CBLB: variants seen among roughly 807,000 people sequenced by gnomAD.
CBLB encodes the protein Cbl proto-oncogene B, also known as E3 ubiquitin-protein ligase CBL-B.
In CBLB, 31 loss-of-function variants were observed where a neutral mutation model predicts 104.9. That is an observed-to-expected ratio of 0.30 (90% confidence interval 0.22 to 0.40). The LOEUF (loss-of-function observed/expected upper bound fraction) is 0.40, where lower values mean the gene tolerates loss of function less well. CBLB is among the 10% of genes least tolerant of loss of function. CBLB has a pLI of 1.00. For synonymous variants in CBLB, 440 were observed against 422.6 expected (o/e 1.04, Z -0.51); for missense variants, 1,062 against 1,214.6 (o/e 0.87, Z 1.87).
At chr3:105,747,867 A>C (rs1004937149) in intron 5 of CBLB, among the ~76,000 whole-genome samples, 12 of 152,204 alleles carry the variant, frequency 7.9e-5, no homozygotes, top group Non-Finnish European at 1.5e-4. Flanking sequence ...ATCAAAATAC[A>C]AGTAAAAAAA....
In CBLB at chr3:105,867,544, C is replaced by T; in HGVS notation, c.34G>A (p.Gly12Ser). Reference protein sequence around the residue: ...ANSMNGRNPGGRGGNPRKGRI... With the variant: ...ANSMNGRNPGSRGGNPRKGRI... ...CCTTTTCGGGGATTTCCTCCTCGAC[C>T]ACCAGGGTTTCTGCCATTCATTGAG... is the stretch of plus-strand genomic sequence containing the variant. The change falls in exon 2 of 19, where the codon GGT (glycine) becomes AGT (serine). Residue 12 changes from glycine (G) to serine (S), a missense_variant. Physicochemically the swap from Gly to Ser is moderately conservative, Grantham distance 56 (BLOSUM62 0). Around this residue, in one of 2 missense-constraint regions of CBLB, gnomAD observed 457 missense variants for 632.0 expected, o/e 0.72. Transcript: ENST00000394030. 6.2e-7 allele frequency: 1 copy of T among 1,614,164 alleles called. No homozygotes were observed. Among genetic ancestry groups the T allele is most frequent in the South Asian group, 1.1e-5 (1 of 91,082 alleles).
chr3:105,756,167 G>A (rs893886777), intron 4 of CBLB, among the ~76,000 whole-genome samples: 2 of 152,192 alleles, frequency 1.3e-5, no homozygotes, highest in Non-Finnish European at 1.5e-5. Flanking sequence ...GTATATAATC[G>A]TAGAAGAATC....
chr3:105,854,487 T>C (rs193249232), intron 2 of CBLB, among the ~76,000 whole-genome samples: 5 of 152,270 alleles, frequency 3.3e-5, no homozygotes, highest in African/African-American at 1.2e-4. Context: ...AATTGAGAAT[T>C]GCACAGTAGC....
intron 3 of CBLB, among the ~76,000 whole-genome samples, chr3:105,815,668 A>G (rs2084944343): frequency 6.6e-6 from 1 of 152,154 alleles, no homozygotes. Flanking sequence ...AACCAGAAAT[A>G]CCATTTGACC....
rs536556872 is a variant in CBLB, at chr3:105,774,974, C to A, written c.566+1422G>T. On this transcript the variant is annotated intron_variant, in intron 4 of 18. Transcript: ENST00000394030. The stretch of plus-strand genomic sequence containing the variant: ...ATGAACTGCAACTACAGGAAACAAA[C>A]CCTCTCAGTTCCTACACCCTGAACC... Among the ~76,000 whole-genome samples the A allele has an allele frequency of 3.3e-5, 5 of 152,270 alleles. No individual in the cohort carries two copies. In the South Asian group the frequency reaches 6.2e-4, roughly 19 times the overall value.
At chr3:105,797,152 T>C (rs1352308255) in intron 3 of CBLB, among the ~76,000 whole-genome samples, 4 of 152,160 alleles carry the variant, frequency 2.6e-5, no homozygotes, top group Non-Finnish European at 5.9e-5. Flanking sequence ...TACTGCAGCA[T>C]TATTCACAAT....
chr3:105,767,671 A>G (rs2078378457), intron 4 of CBLB, among the ~76,000 whole-genome samples: 2 of 151,890 alleles, frequency 1.3e-5, no homozygotes, highest in African/African-American at 2.4e-5. Flanking sequence ...AAAGGTTTCA[A>G]TTGGTTAATT....
At chr3:105,706,900 C>CT in intron 10 of CBLB, among the ~76,000 whole-genome samples, 1 of 152,236 alleles carries the variant, frequency 6.6e-6, no homozygotes, top group Middle Eastern at 3.4e-3. Flanking sequence ...CCTCCAAGCA[C>CT]TTTTTTTCTG....
At chr3:105,854,295 G>A (rs139966004) in intron 2 of CBLB, among the ~76,000 whole-genome samples, 230 of 152,298 alleles carry the variant, frequency 1.5e-3, no homozygotes, top group African/African-American at 5.4e-3. Context: ...CCACTGGGGC[G>A]TTCAGGGGCT....
intron 17 of CBLB, chr3:105,672,392 A>G (rs1356133093): frequency 5.6e-6 from 1 of 177,832 alleles, no homozygotes; most frequent in Non-Finnish European, 1.2e-5. Context: ...TCATATCCTA[A>G]GTTTGCTATT....
At position 105,670,224 on chromosome 3, in the gene CBLB, C is replaced by T. The variant is rs916524714; in HGVS notation, c.2689+9G>A. On this transcript the variant is annotated intron_variant, in intron 18 of 18. Coordinates refer to ENST00000394030, the MANE Select transcript of CBLB (RefSeq NM_170662.5). ...AAGGTATTATTGTTACTGTTACTAG[C>T]CAACTCACCTGAACATGAAGGAAGC... 1 of 1,612,420 alleles carries T rather than the reference C, an allele frequency of 6.2e-7. No homozygotes were observed. Among genetic ancestry groups the T allele is most frequent in the Admixed American group, 1.7e-5 (1 of 59,964 alleles).
At chr3:105,799,285 C>A (rs1463203007) in intron 3 of CBLB, among the ~76,000 whole-genome samples, 1 of 150,892 alleles carries the variant, frequency 6.6e-6, no homozygotes, top group African/African-American at 2.4e-5. Context: ...AAACAAAGGG[C>A]AGGAAAAAAC....
intron 4 of CBLB, among the ~76,000 whole-genome samples, chr3:105,772,824 T>A (rs2079014582): frequency 6.6e-6 from 1 of 152,190 alleles, no homozygotes; most frequent in South Asian, 2.1e-4. Context: ...AGAAACCACC[T>A]TACTTCTGCA....
intron 3 of CBLB, among the ~76,000 whole-genome samples, chr3:105,811,429 G>A (rs1401957244): frequency 1.3e-5 from 2 of 152,130 alleles, no homozygotes; most frequent in South Asian, 2.1e-4. Flanking sequence ...AGTAAGTCAC[G>A]GAAACAAGTT....
At chr3:105,804,990 C>T (rs2083327116) in intron 3 of CBLB, among the ~76,000 whole-genome samples, 2 of 152,120 alleles carry the variant, frequency 1.3e-5, no homozygotes, top group Admixed American at 6.5e-5. Context: ...AACTTCCATA[C>T]CCACCACCAC....
At chr3:105,826,260 C>T (rs1044851732) in intron 3 of CBLB, among the ~76,000 whole-genome samples, 1 of 152,150 alleles carries the variant, frequency 6.6e-6, no homozygotes, top group East Asian at 1.9e-4. Flanking sequence ...TTACCACATA[C>T]ACAAAATGCT....
chr3:105,692,238 T>C lies in CBLB; in HGVS notation c.2054+1256A>G, dbSNP rs1011273850. Among the ~76,000 whole-genome samples, 4 of 152,362 alleles carry C rather than the reference T, an allele frequency of 2.6e-5. No homozygotes were observed. The East Asian group carries it at 5.8e-4, about 22-fold the overall frequency. On this transcript the variant is annotated intron_variant, in intron 13 of 18. Coordinates refer to ENST00000394030, the MANE Select transcript of CBLB (RefSeq NM_170662.5). ...ATTCTCTGTGTACTTACTTACTATA[T>C]GCAAATCATTTACTTAGTATATATC...
Position 105,657,094 on chromosome 3 carries a change from A to G in CBLB, c.*1876T>C. 1 of 227,082 alleles carries G rather than the reference A, an allele frequency of 4.4e-6. No homozygotes were observed. The highest frequency in any genetic ancestry group is 5.7e-5 in the Admixed American group (1 of 17,580). The allele number at this position is 227,082 out of a possible 1,614,324, so 14.1% of individuals were successfully genotyped here. A position where few individuals can be genotyped will look rare whatever the true frequency, so the allele number is the denominator to read the frequency against. On this transcript the variant is annotated 3_prime_UTR_variant, in exon 19 of 19. Coordinates refer to ENST00000394030, the MANE Select transcript of CBLB (RefSeq NM_170662.5). The stretch of plus-strand genomic sequence containing the variant: ...AAAAATTCATACAAAAGCAGAAATT[A>G]CCCAAGGCCTGTGAGTCCTCATCTC...
intron 18 of CBLB, among the ~76,000 whole-genome samples, chr3:105,668,173 C>T (rs2064681484): frequency 2.0e-5 from 3 of 152,152 alleles, no homozygotes; most frequent in Admixed American, 6.6e-5. Context: ...AGTCAGGAGT[C>T]TTTTATTACT....
Sources: gnomAD v4.1 joint callset for allele counts (sites outside exome capture counted in the v4.1 genomes callset) on GRCh38, gnomAD v4.1.1 for gene constraint, gnomAD v4.1.1 regional missense constraint, MANE v1.5 for transcripts, NCBI Gene and HGNC (gene_info 2026-07-23, HGNC 2026-07-21) for gene names.